Variants in TAFA2 observed in about 807,000 individuals in gnomAD.
TAFA2 encodes the protein TAFA chemokine like family member 2, also known as chemokine-like protein TAFA-2.
TAFA2 carries 7 observed loss-of-function variants against 18.8 expected under a neutral mutation model. The ratio of observed to expected loss-of-function variants is 0.37; its 90% CI spans 0.21 to 0.70. The LOEUF (loss-of-function observed/expected upper bound fraction) is 0.70, where lower values mean the gene tolerates loss of function less well. TAFA2 is among the 30% of genes least tolerant of loss of function. The probability of loss-of-function intolerance (pLI) is 0.53; values close to 1 mark genes in which losing one functional copy is unlikely to be tolerated. For synonymous variants in TAFA2, 60 were observed against 54.2 expected, an observed-to-expected ratio of 1.11 and a Z score of -0.47; for missense variants, 122 against 158.1, an observed-to-expected ratio of 0.77 and a Z score of 1.23.
At chr12:61,775,478 T>C (rs1870217950) in intron 2 of TAFA2, among the ~76,000 whole-genome samples, 1 of 151,782 alleles carries the variant, frequency 6.6e-6, no homozygotes, top group Admixed American at 6.6e-5. Flanking sequence ...AAAAATGAGC[T>C]ATCAAGCCAT....
At chr12:62,236,827 T>C (rs578121594) in intron 1 of TAFA2, among the ~76,000 whole-genome samples, 5 of 152,304 alleles carry the variant, frequency 3.3e-5, no homozygotes, top group Non-Finnish European at 7.4e-5. Context: ...TAGATGAAAA[T>C]GAGCTCCTTT....
chr12:61,952,252 C>T (rs894924196), intron 1 of TAFA2, among the ~76,000 whole-genome samples: 6 of 151,972 alleles, frequency 3.9e-5, no homozygotes, highest in Non-Finnish European at 7.4e-5. Context: ...AAATGTCCCA[C>T]CTATTAATAT....
At chr12:61,772,783 C>T (rs746226661) in intron 2 of TAFA2, among the ~76,000 whole-genome samples, 3 of 151,770 alleles carry the variant, frequency 2.0e-5, no homozygotes, top group Non-Finnish European at 4.4e-5. Context: ...GAAAGCACTC[C>T]CCCTGAGAAC....
chr12:62,014,159 C>T (rs1880853525), intron 1 of TAFA2, among the ~76,000 whole-genome samples: 1 of 152,142 alleles, frequency 6.6e-6, no homozygotes. Context: ...TTTTATACTT[C>T]AGGCAATAAA....
Position 62,160,339 on chromosome 12 carries a change from C to T in TAFA2, c.-2+30920G>A, listed in dbSNP as rs543890163. Among the ~76,000 whole-genome samples, 4 of 152,242 alleles carry T rather than the reference C, an allele frequency of 2.6e-5. No individual in the cohort carries two copies. The South Asian group carries it at 8.3e-4, about 32-fold the overall frequency. ...TTTTACAAAGGTCCAATGTTACCTC[C>T]TAAGGAAAGCTTTCCAGAATCCTTC... On this transcript the variant is annotated intron_variant, in intron 1 of 4. Transcript: ENST00000416284.
intron 2 of TAFA2, among the ~76,000 whole-genome samples, chr12:61,769,227 C>T (rs1473407386): frequency 6.6e-6 from 1 of 151,988 alleles, no homozygotes; most frequent in East Asian, 2.0e-4. Flanking sequence ...CATACCTAAC[C>T]CTACCTCCAC....
At chr12:62,235,084 T>C in intron 1 of TAFA2, 2 of 623,036 alleles carry the variant, frequency 3.2e-6, no homozygotes, top group East Asian at 3.5e-5. Flanking sequence ...CTGAAGGCCC[T>C]GGCCACCTTT....
chr12:62,107,514 A>G (rs1156536012), intron 1 of TAFA2, among the ~76,000 whole-genome samples: 1 of 152,182 alleles, frequency 6.6e-6, no homozygotes, highest in Middle Eastern at 3.2e-3. Flanking sequence ...AGGGACCTCA[A>G]AAGTTAACTT....
intron 2 of TAFA2, among the ~76,000 whole-genome samples, chr12:61,810,596 T>A (rs1182445993): frequency 1.3e-5 from 2 of 151,146 alleles, no homozygotes; most frequent in African/African-American, 4.9e-5. Context: ...TCGCAAAGAT[T>A]TATAGTCTTT....
At chr12:62,115,496 A>T (rs1869924627) in intron 1 of TAFA2, among the ~76,000 whole-genome samples, 1 of 152,190 alleles carries the variant, frequency 6.6e-6, no homozygotes, top group Non-Finnish European at 1.5e-5. Flanking sequence ...AATATACGGA[A>T]TATAGAGTGT....
intron 1 of TAFA2, among the ~76,000 whole-genome samples, chr12:62,093,023 C>G (rs912864402): frequency 6.6e-6 from 1 of 151,932 alleles, no homozygotes; most frequent in Non-Finnish European, 1.5e-5. Context: ...CTTTTTAGTC[C>G]ATTCGCATCT....
intron 2 of TAFA2, among the ~76,000 whole-genome samples, chr12:61,782,336 C>T (rs1201878797): frequency 1.3e-5 from 2 of 151,714 alleles, no homozygotes; most frequent in Non-Finnish European, 3.0e-5. Flanking sequence ...AGGCTTCCTA[C>T]ATGATAAAAT....
At chr12:61,867,834 A>G (rs1874426084) in intron 1 of TAFA2, among the ~76,000 whole-genome samples, 1 of 152,162 alleles carries the variant, frequency 6.6e-6, no homozygotes, top group Non-Finnish European at 1.5e-5. Flanking sequence ...TGGACAGTGT[A>G]ACAGTTTATA....
intron 1 of TAFA2, among the ~76,000 whole-genome samples, chr12:62,110,221 A>G (rs1175431960): frequency 1.3e-5 from 2 of 152,196 alleles, no homozygotes; most frequent in African/African-American, 4.8e-5. Context: ...CCTTTTCTGC[A>G]TCTACTGAAA....
At chr12:61,941,597 C>T (rs1878018342) in intron 1 of TAFA2, among the ~76,000 whole-genome samples, 1 of 152,190 alleles carries the variant, frequency 6.6e-6, no homozygotes, top group African/African-American at 2.4e-5. Context: ...TGGGTGCGTG[C>T]ACCGTGCGTG....
chr12:61,820,530 GAGGAGAAAGAAAGGA>G (rs1159692121), intron 2 of TAFA2, among the ~76,000 whole-genome samples: 29 of 151,712 alleles, frequency 1.9e-4, no homozygotes, highest in African/African-American at 5.6e-4. Context: ...AGAAGAGAAG[GAGGAGAAAGAAAGGA>G]AGGAGAAAGA....
intron 1 of TAFA2, chr12:62,023,921 T>C (rs1008196446): frequency 3.3e-5 from 5 of 152,242 alleles, no homozygotes; most frequent in Non-Finnish European, 4.4e-5. Context: ...AGAAGACTTA[T>C]AGGAGAGTTA....
intron 4 of TAFA2, among the ~76,000 whole-genome samples, chr12:61,744,699 T>G (rs1050970001): frequency 5.3e-5 from 8 of 151,922 alleles, no homozygotes; most frequent in Non-Finnish European, 7.4e-5. Context: ...GGGGTACAGG[T>G]GAATGCCACC....
At chr12:61,773,758 A>G (rs1039037627) in intron 2 of TAFA2, among the ~76,000 whole-genome samples, 1 of 152,138 alleles carries the variant, frequency 6.6e-6, no homozygotes, top group African/African-American at 2.4e-5. Flanking sequence ...ATTCTAGAAG[A>G]AAACATTGGA....
Sources: allele counts gnomAD v4.1 joint callset (sites outside exome capture counted in the v4.1 genomes callset), GRCh38; gene constraint gnomAD v4.1.1; transcripts MANE v1.5; gene names NCBI Gene and HGNC (gene_info 2026-07-23, HGNC 2026-07-21).